Variants in RGPD8 observed in about 807,000 individuals in gnomAD.
RGPD8 encodes RANBP2 like and GRIP domain containing 8.
In RGPD8, 15 loss-of-function variants were observed where a neutral mutation model predicts 89.1. The ratio of observed to expected loss-of-function variants is 0.17; its 90% confidence interval spans 0.11 to 0.26. The LOEUF (loss-of-function observed/expected upper bound fraction) is 0.26. Ranked by LOEUF, RGPD8 falls within the 10% of genes least tolerant of loss-of-function variation. The pLI, the probability that RGPD8 is intolerant of heterozygous loss-of-function variation, is 1.00. For synonymous variants in RGPD8, 62 were observed against 420.9 expected (o/e 0.15, Z 10.44); for missense variants, 178 against 1,179.6 (o/e 0.15, Z 12.44).
At chr2:112,425,737 C>T (rs1679742109) in intron 1 of RGPD8, among the ~76,000 whole-genome samples, 1 of 130,728 alleles carries the variant, frequency 7.6e-6, no homozygotes, top group African/African-American at 3.0e-5. Context: ...CCAACCTGGG[C>T]AACAGAATGA....
rs1449281401 is a variant in RGPD8, at chr2:112,424,412, A to C, written c.73-105T>G. On this transcript the variant is annotated intron_variant, in intron 1 of 22. Transcript: ENST00000302558. The stretch of plus-strand genomic sequence containing the variant: ...CAAATGCATAATTCCATGTTTTATA[A>C]TTTCCTACCACAAAACAAAAAATAG... 9 of 1,089,934 alleles carry C rather than the reference A, an allele frequency of 8.3e-6. No individual in the cohort carries two copies. In the East Asian group the frequency reaches 1.6e-4, roughly 19 times the overall value. 67.5% of individuals were successfully genotyped at this position (1,089,934 alleles called of 1,614,324 possible). A position where few individuals can be genotyped will look rare whatever the true frequency, so the allele number is the denominator to read the frequency against.
At chr2:112,428,358 C>T (rs1472872758) in intron 1 of RGPD8, among the ~76,000 whole-genome samples, 2 of 150,040 alleles carry the variant, frequency 1.3e-5, no homozygotes, top group Admixed American at 1.3e-4. Context: ...GCAGGAGAAT[C>T]ACTTGAACCT....
chr2:112,381,109 C>T, intron 20 of RGPD8, 146 bp from the exon 21 acceptor site: 2 of 348,312 alleles, frequency 5.7e-6, no homozygotes, highest in Non-Finnish European at 4.9e-6. Context: ...CAGCATACCT[C>T]AATCAACAGA....
intron 1 of RGPD8, 32 bp downstream of exon 1, chr2:112,433,350 C>G (rs756935022): frequency 2.5e-6 from 4 of 1,597,814 alleles, no homozygotes; most frequent in Non-Finnish European, 1.7e-6. Flanking sequence ...CCGGCCGGGT[C>G]GAGGCCGCCG....
At chr2:112,433,333 C>T (rs763246262) in intron 1 of RGPD8, 49 bp downstream of exon 1, 14 of 1,386,902 alleles carry the variant, frequency 1.0e-5, no homozygotes, top group South Asian at 1.3e-5. Context: ...GTCGAGGCCG[C>T]CGCCGCCCGG....
chr2:112,402,561 G>A (rs1414761729), intron 9 of RGPD8, among the ~76,000 whole-genome samples: 1 of 116,450 alleles, frequency 8.6e-6, no homozygotes, highest in East Asian at 2.1e-4. Context: ...GCATGAAGAG[G>A]TATAATCTTT....
intron 1 of RGPD8, among the ~76,000 whole-genome samples, chr2:112,428,242 T>C (rs2104838766): frequency 6.6e-6 from 1 of 152,088 alleles, no homozygotes; most frequent in East Asian, 1.9e-4. Flanking sequence ...CATTAGTTTC[T>C]AGACCAGCCT....
Position 112,433,398 on chromosome 2 carries a change from G to T in RGPD8, c.56C>A (p.Thr19Asn). ...ERYVASVLGL[T>N]PSPRQKSMKG... is the part of the protein sequence containing the mutation. Reference sequence around the variant, plus strand: ...CCCACTCACCTGTCGAGGCGACGGGGTGAGACCCAGCACCGAGGCGACGTA... The same window carrying T: ...CCCACTCACCTGTCGAGGCGACGGGTTGAGACCCAGCACCGAGGCGACGTA... The change falls in exon 1 of 23, where the codon ACC (threonine) becomes AAC (asparagine). Residue 19 changes from threonine (T) to asparagine (N), a missense_variant. Physicochemically the swap from Thr to Asn is moderately conservative, Grantham distance 65. Coordinates refer to ENST00000302558, the MANE Select transcript of RGPD8 (RefSeq NM_001164463.1). 7 of 1,610,356 alleles carry T rather than the reference G, an allele frequency of 4.3e-6. No individual in the cohort carries two copies. The South Asian group carries it at 6.6e-5, about 15-fold the overall frequency.
At chr2:112,420,197 A>G (rs1303932746) in intron 4 of RGPD8, among the ~76,000 whole-genome samples, 1 of 101,616 alleles carries the variant, frequency 9.8e-6, no homozygotes, top group Non-Finnish European at 2.0e-5. Context: ...AAAAAAAAAA[A>G]GTGAATGGTT....
chr2:112,430,790 G>A (rs528748937), intron 1 of RGPD8, among the ~76,000 whole-genome samples: 16 of 151,952 alleles, frequency 1.1e-4, no homozygotes, highest in African/African-American at 2.9e-4. Flanking sequence ...GTAAGACCCC[G>A]TCTCTACATT....
chr2:112,374,575 A>G (rs1247409291), intron 22 of RGPD8, among the ~76,000 whole-genome samples: 2 of 131,200 alleles, frequency 1.5e-5, no homozygotes, highest in African/African-American at 5.3e-5. Context: ...TGTCTTTTTT[A>G]GGGGCAGTTT....
intron 22 of RGPD8, 138 bp from the exon 23 acceptor site, chr2:112,370,350 G>GC (rs1236078811): frequency 4.2e-6 from 2 of 471,632 alleles, no homozygotes; most frequent in Non-Finnish European, 6.5e-6. Flanking sequence ...TTTTTTGGTG[G>GC]GGGGGGGGGT....
At chr2:112,424,456 A>G in intron 1 of RGPD8, 149 bp from the exon 2 acceptor site, 3 of 1,000,056 alleles carry the variant, frequency 3.0e-6, no homozygotes, top group Non-Finnish European at 4.2e-6. Context: ...GCAGCGGCTC[A>G]TGCCTGTAAT....
At chr2:112,373,582 T>C (rs1197410274) in intron 22 of RGPD8, among the ~76,000 whole-genome samples, 1 of 151,942 alleles carries the variant, frequency 6.6e-6, no homozygotes, top group African/African-American at 2.4e-5. Context: ...TGTATATATG[T>C]AGAGTTTCAA....
rs553248918 is a variant in RGPD8, at chr2:112,432,478, C to A, written c.72+904G>T. On this transcript the variant is annotated intron_variant, in intron 1 of 22. Transcript: ENST00000302558. ...TCATACTCAAAACAAGGGGACTTTCCGTGTCATTTGTGCCATCGGGCCATT... is the reference window on the plus strand; with the variant it reads ...TCATACTCAAAACAAGGGGACTTTCAGTGTCATTTGTGCCATCGGGCCATT... The A allele has an allele frequency of 5.4e-5, 53 of 985,234 alleles. No individual in the cohort carries two copies. The East Asian group carries it at 2.3e-3, about 42-fold the overall frequency. 61.0% of individuals were successfully genotyped at this position (985,234 alleles called of 1,614,324 possible). A position where few individuals can be genotyped will look rare whatever the true frequency, so the allele number is the denominator to read the frequency against.
intron 1 of RGPD8, among the ~76,000 whole-genome samples, chr2:112,429,584 A>G (rs1679934648): frequency 6.6e-6 from 1 of 152,088 alleles, no homozygotes; most frequent in Non-Finnish European, 1.5e-5. Context: ...TGTAGTCCTA[A>G]GTACTCAGGA....
intron 7 of RGPD8, among the ~76,000 whole-genome samples, chr2:112,408,851 TA>T (rs1364147984): frequency 6.6e-6 from 1 of 151,962 alleles, no homozygotes. Flanking sequence ...TTTGTATTTT[TA>T]GTAGAGATGG....
chr2:112,428,229 T>A (rs1327518255), intron 1 of RGPD8, among the ~76,000 whole-genome samples: 1 of 152,128 alleles, frequency 6.6e-6, no homozygotes, highest in Non-Finnish European at 1.5e-5. Context: ...TTTAAAGACA[T>A]ACCATTAGTT....
chr2:112,370,088 A>G lies in RGPD8; in HGVS notation c.*90T>C, dbSNP rs1174318114. On this transcript the variant is annotated 3_prime_UTR_variant, in exon 23 of 23. Coordinates refer to ENST00000302558, the MANE Select transcript of RGPD8 (RefSeq NM_001164463.1). ...AAAAGAATAATGGTAACACACACGA[A>G]CCATTTTTGTAAACAGATTCTATTT... 2.2e-6 allele frequency: 2 copies of G among 924,566 alleles called. 1 individual carries two copies. The highest frequency in any genetic ancestry group is 5.5e-5 in the East Asian group (2 of 36,178). The allele number at this position is 924,566 out of a possible 1,614,324, so 57.3% of individuals were successfully genotyped here. A position where few individuals can be genotyped will look rare whatever the true frequency, so the allele number is the denominator to read the frequency against.
Sources: gnomAD v4.1 joint callset for allele counts (sites outside exome capture counted in the v4.1 genomes callset) on GRCh38, gnomAD v4.1.1 for gene constraint, MANE v1.5 for transcripts, NCBI Gene and HGNC (gene_info 2026-07-23, HGNC 2026-07-21) for gene names.